Variants in TMEM117 observed in about 807,000 individuals in gnomAD.
The protein encoded by TMEM117 is transmembrane protein 117.
In TMEM117, 27 loss-of-function variants were observed where a neutral mutation model predicts 52.4. The ratio of observed to expected loss-of-function variants is 0.51; its 90% CI spans 0.38 to 0.71. The LOEUF (loss-of-function observed/expected upper bound fraction) is 0.71, where lower values mean the gene tolerates loss of function less well. Ranked by LOEUF, TMEM117 falls within the 30% of genes least tolerant of loss-of-function variation. TMEM117 has a pLI of 0.00. For synonymous variants in TMEM117, 215 were observed against 206.3 expected, an observed-to-expected ratio of 1.04 and a Z score of -0.36; for missense variants, 556 against 630.5, an observed-to-expected ratio of 0.88 and a Z score of 1.26.
At chr12:44,194,996 C>T (rs546178228) in intron 4 of TMEM117, among the ~76,000 whole-genome samples, 1 of 152,306 alleles carries the variant, frequency 6.6e-6, no homozygotes. Flanking sequence ...CATCTATATG[C>T]TGTGCATTAG....
chr12:43,896,911 G>A (rs540537645), intron 2 of TMEM117, among the ~76,000 whole-genome samples: 24 of 152,306 alleles, frequency 1.6e-4, no homozygotes, highest in African/African-American at 3.1e-4. Flanking sequence ...TCAGGCAACC[G>A]TATTGGTCTG....
chr12:44,016,394 A>G (rs1018943525), intron 3 of TMEM117, among the ~76,000 whole-genome samples: 1 of 152,072 alleles, frequency 6.6e-6, no homozygotes, highest in African/African-American at 2.4e-5. Context: ...TGGAAACGGG[A>G]CCATCCCTAT....
chr12:43,963,036 A>C (rs1340201779), intron 3 of TMEM117, among the ~76,000 whole-genome samples: 1 of 151,982 alleles, frequency 6.6e-6, no homozygotes, highest in African/African-American at 2.4e-5. Context: ...TATCACATAT[A>C]AGATGCTTAT....
At chr12:43,944,575 A>G (rs1263237762) in intron 3 of TMEM117, among the ~76,000 whole-genome samples, 1 of 151,942 alleles carries the variant, frequency 6.6e-6, no homozygotes, top group African/African-American at 2.4e-5. Context: ...GGACTTTTAT[A>G]TAGGGTGGTG....
At chr12:44,242,397 T>G (rs1379713257) in intron 5 of TMEM117, among the ~76,000 whole-genome samples, 1 of 151,952 alleles carries the variant, frequency 6.6e-6, no homozygotes, top group Non-Finnish European at 1.5e-5. Context: ...GTATTGGGTT[T>G]TCTGTTCCTG....
At chr12:44,333,408 C>A (rs1009062645) in intron 6 of TMEM117, among the ~76,000 whole-genome samples, 5 of 152,004 alleles carry the variant, frequency 3.3e-5, no homozygotes, top group Non-Finnish European at 5.9e-5. Context: ...TTGGCTGTGT[C>A]CCCACCCAAA....
rs982565684 is a variant in TMEM117 at position 44,090,015 on chromosome 12, T to C, written c.411-53510T>C. ...CTTACCACATAATGTCTTCTTTTCTTATTGTCTTATGTGTTTATCCCATAC... is the reference window on the plus strand; with the variant it reads ...CTTACCACATAATGTCTTCTTTTCTCATTGTCTTATGTGTTTATCCCATAC... On this transcript the variant is annotated intron_variant, in intron 3 of 7. Transcript: ENST00000266534. 3.3e-5 allele frequency among the ~76,000 whole-genome samples: 5 copies of C among 152,350 alleles called. No individual in the cohort carries two copies. In the East Asian group the frequency reaches 9.6e-4, roughly 29 times the overall value.
At chr12:44,316,501 C>T (rs76421168) in intron 6 of TMEM117, among the ~76,000 whole-genome samples, 4,249 of 152,132 alleles carry the variant, frequency 0.028, 98 homozygotes, top group African/African-American at 0.055. Flanking sequence ...TTTTCTCTAG[C>T]TGCCTTTAAG....
chr12:44,250,739 C>T (rs947007721), intron 5 of TMEM117, among the ~76,000 whole-genome samples: 1 of 152,154 alleles, frequency 6.6e-6, no homozygotes, highest in African/African-American at 2.4e-5. Context: ...AACGCAGGAA[C>T]AGAAAACCAA....
chr12:44,190,881 A>G (rs1949342851), intron 4 of TMEM117, among the ~76,000 whole-genome samples: 2 of 148,244 alleles, frequency 1.3e-5, no homozygotes, highest in South Asian at 2.1e-4. Context: ...AGATACATAC[A>G]TACATATATA....
At chr12:43,960,270 T>G (rs1592394982) in intron 3 of TMEM117, among the ~76,000 whole-genome samples, 1 of 145,700 alleles carries the variant, frequency 6.9e-6, no homozygotes, top group African/African-American at 2.6e-5. Context: ...GTCAAGGGGG[T>G]TGACCCAGGG....
intron 6 of TMEM117, among the ~76,000 whole-genome samples, chr12:44,338,893 A>G (rs1394179780): frequency 2.0e-5 from 3 of 152,078 alleles, no homozygotes; most frequent in Non-Finnish European, 4.4e-5. Context: ...AATTGTTGGA[A>G]AAGTGGGTGG....
chr12:43,912,709 A>C (rs1380767536), intron 2 of TMEM117, among the ~76,000 whole-genome samples: 2 of 151,900 alleles, frequency 1.3e-5, no homozygotes, highest in African/African-American at 4.8e-5. Flanking sequence ...ATTATCCTTA[A>C]AGTACTGATG....
At chr12:44,296,005 C>T (rs1950764253) in intron 5 of TMEM117, among the ~76,000 whole-genome samples, 1 of 152,084 alleles carries the variant, frequency 6.6e-6, no homozygotes, top group Admixed American at 6.5e-5. Flanking sequence ...CTGTAGGGTT[C>T]CCAGCCTGCT....
At chr12:44,033,992 A>G (rs1946673507) in intron 3 of TMEM117, among the ~76,000 whole-genome samples, 1 of 152,168 alleles carries the variant, frequency 6.6e-6, no homozygotes, top group African/African-American at 2.4e-5. Context: ...ATTGTTGTCT[A>G]CCTAGTCAAT....
intron 6 of TMEM117, among the ~76,000 whole-genome samples, chr12:44,354,047 C>G (rs1951606644): frequency 6.6e-6 from 1 of 152,104 alleles, no homozygotes; most frequent in African/African-American, 2.4e-5. Flanking sequence ...GTATTTTATT[C>G]TCTTTGAAGC....
chr12:43,848,640 C>G (rs1442150897), intron 2 of TMEM117, among the ~76,000 whole-genome samples: 2 of 151,008 alleles, frequency 1.3e-5, no homozygotes, highest in Non-Finnish European at 2.9e-5. Flanking sequence ...TCATATTGTT[C>G]AAACACACAT....
chr12:43,890,556 G>A (rs1018867155), intron 2 of TMEM117, among the ~76,000 whole-genome samples: 2 of 151,234 alleles, frequency 1.3e-5, no homozygotes, highest in Non-Finnish European at 2.9e-5. Flanking sequence ...TTTTTGAGAC[G>A]GAGTTTTGCT....
chr12:43,861,364 C>A (rs531367169), intron 2 of TMEM117, among the ~76,000 whole-genome samples: 1 of 152,266 alleles, frequency 6.6e-6, no homozygotes, highest in East Asian at 1.9e-4. Flanking sequence ...CCTGTTATAA[C>A]CCCAGCCATG....
Sources: allele counts gnomAD v4.1 joint callset (sites outside exome capture counted in the v4.1 genomes callset), GRCh38; gene constraint gnomAD v4.1.1; transcripts MANE v1.5; gene names NCBI Gene and HGNC (gene_info 2026-07-23, HGNC 2026-07-21).